Variants in KCNIP1 observed in about 807,000 individuals in gnomAD.
KCNIP1 encodes the protein A-type potassium channel modulatory protein KCNIP1.
KCNIP1 carries 18 observed loss-of-function variants against 33.0 expected under a neutral mutation model. The observed-to-expected ratio is 0.55, with a 90% CI of 0.38 to 0.81. The LOEUF (loss-of-function observed/expected upper bound fraction) is 0.81. Among genes scored for constraint, KCNIP1 ranks in the 30% least tolerant of loss-of-function variants. The probability of loss-of-function intolerance (pLI) is 0.00; values close to 1 mark genes in which losing one functional copy is unlikely to be tolerated. For synonymous variants in KCNIP1, 93 were observed against 98.3 expected (o/e 0.95, Z 0.32); for missense variants, 238 against 271.6 (o/e 0.88, Z 0.87).
chr5:170,556,192 A>G (rs1756840882), intron 1 of KCNIP1, among the ~76,000 whole-genome samples: 1 of 152,244 alleles, frequency 6.6e-6, no homozygotes, highest in Non-Finnish European at 1.5e-5. Flanking sequence ...GTGGTTCATT[A>G]AACCACATCC....
At chr5:170,507,794 T>TA (rs1754775000) in intron 1 of KCNIP1, among the ~76,000 whole-genome samples, 1 of 152,198 alleles carries the variant, frequency 6.6e-6, no homozygotes, top group African/African-American at 2.4e-5. Flanking sequence ...AAATCTAAAG[T>TA]AATTTAAGAG....
At chr5:170,401,502 G>A (rs892492584) in intron 1 of KCNIP1, among the ~76,000 whole-genome samples, 1 of 152,156 alleles carries the variant, frequency 6.6e-6, no homozygotes, top group African/African-American at 2.4e-5. Flanking sequence ...GGTGGCTCAT[G>A]TCTATAATCC....
At chr5:170,654,227 T>G (rs1299575138) in intron 1 of KCNIP1, among the ~76,000 whole-genome samples, 1 of 152,112 alleles carries the variant, frequency 6.6e-6, no homozygotes, top group Non-Finnish European at 1.5e-5. Context: ...CTGTGGAGGA[T>G]CCATGCCATT....
At chr5:170,513,962 G>C (rs1324795902) in intron 1 of KCNIP1, among the ~76,000 whole-genome samples, 1 of 152,204 alleles carries the variant, frequency 6.6e-6, no homozygotes, top group Non-Finnish European at 1.5e-5. Context: ...TCACTTTGCA[G>C]AGTAGGAAAC....
intron 1 of KCNIP1, among the ~76,000 whole-genome samples, chr5:170,689,218 A>T (rs1230367222): frequency 6.6e-6 from 1 of 152,202 alleles, no homozygotes; most frequent in Non-Finnish European, 1.5e-5. Context: ...TCATTTTTAC[A>T]TGAATTGACT....
At chr5:170,457,561 A>G (rs1212229417) in intron 1 of KCNIP1, among the ~76,000 whole-genome samples, 2 of 152,236 alleles carry the variant, frequency 1.3e-5, no homozygotes, top group African/African-American at 2.4e-5. Flanking sequence ...AACCTGGTAG[A>G]CATCCTGGGT....
At chr5:170,562,783 G>A (rs1167781449) in intron 1 of KCNIP1, among the ~76,000 whole-genome samples, 1 of 152,200 alleles carries the variant, frequency 6.6e-6, no homozygotes, top group African/African-American at 2.4e-5. Flanking sequence ...AGAGCCCAGG[G>A]CTCTAAGCTG....
In KCNIP1 at chr5:170,457,650, A is replaced by G. The variant is rs570009570; in HGVS notation, c.88+103686A>G. 3.9e-5 allele frequency among the ~76,000 whole-genome samples: 6 copies of G among 152,314 alleles called. No individual in the cohort carries two copies. The East Asian group carries it at 5.8e-4, about 15-fold the overall frequency. ...ACATCCCTAGGAAAAGGGGGAGAGT[A>G]ATACATCAAGGGAACACCCCATGGG... On this transcript the variant is annotated intron_variant, in intron 1 of 7. Coordinates refer to the KCNIP1 transcript ENST00000377360.
intron 1 of KCNIP1, among the ~76,000 whole-genome samples, chr5:170,464,653 G>A (rs1756572133): frequency 6.6e-6 from 1 of 152,320 alleles, no homozygotes; most frequent in East Asian, 1.9e-4. Flanking sequence ...TCAGAGAGCT[G>A]GGTAACCACA....
intron 1 of KCNIP1, among the ~76,000 whole-genome samples, chr5:170,432,174 A>G (rs1369511824): frequency 6.6e-6 from 1 of 152,040 alleles, no homozygotes; most frequent in Non-Finnish European, 1.5e-5. Flanking sequence ...AGAGCTAAAA[A>G]CAGGGGCTTC....
At chr5:170,418,130 C>T (rs1755381479) in intron 1 of KCNIP1, among the ~76,000 whole-genome samples, 1 of 152,152 alleles carries the variant, frequency 6.6e-6, no homozygotes, top group Admixed American at 6.5e-5. Context: ...GTAATGTTTC[C>T]TTCAAATAAC....
intron 1 of KCNIP1, among the ~76,000 whole-genome samples, chr5:170,676,159 G>T: frequency 9.5e-6 from 1 of 105,260 alleles, no homozygotes; most frequent in Non-Finnish European, 2.0e-5. Context: ...GGGGGAGGTA[G>T]GGAGGGAAAG....
intron 1 of KCNIP1, chr5:170,385,244 C>T (rs200859213): frequency 3.8e-6 from 6 of 1,561,184 alleles, no homozygotes; most frequent in Non-Finnish European, 5.3e-6. Context: ...AGTAGAAGGC[C>T]AGGGTTCCTT....
At chr5:170,555,922 A>AGTTCTCTT (rs1756828095) in intron 1 of KCNIP1, among the ~76,000 whole-genome samples, 1 of 152,200 alleles carries the variant, frequency 6.6e-6, no homozygotes, top group Non-Finnish European at 1.5e-5. Flanking sequence ...GCGAATGCAA[A>AGTTCTCTT]GGAAACACCA....
At chr5:170,643,210 G>T (rs139973143) in intron 1 of KCNIP1, among the ~76,000 whole-genome samples, 38 of 152,366 alleles carry the variant, frequency 2.5e-4, no homozygotes, top group African/African-American at 7.7e-4. Context: ...CGTCCAGGTG[G>T]CTGGAAGCCA....
At chr5:170,659,670 G>A (rs758228085) in intron 1 of KCNIP1, among the ~76,000 whole-genome samples, 1 of 152,186 alleles carries the variant, frequency 6.6e-6, no homozygotes, top group Non-Finnish European at 1.5e-5. Flanking sequence ...AACATGCACA[G>A]CTCAGGGAAT....
At chr5:170,581,278 G>C (rs963410177) in intron 1 of KCNIP1, among the ~76,000 whole-genome samples, 46 of 152,172 alleles carry the variant, frequency 3.0e-4, no homozygotes, top group African/African-American at 1.1e-3. Context: ...CAAGGTCACA[G>C]AGCTAACAAG....
chr5:170,383,375 G>A (rs563973776), intron 1 of KCNIP1: 34 of 595,532 alleles, frequency 5.7e-5, no homozygotes, highest in South Asian at 3.0e-4. Flanking sequence ...TATATACAGC[G>A]TCTCTGACTT....
intron 1 of KCNIP1, among the ~76,000 whole-genome samples, chr5:170,598,041 C>T (rs372460364): frequency 7.2e-5 from 11 of 152,132 alleles, no homozygotes; most frequent in Non-Finnish European, 1.3e-4. Context: ...ACTCCTGCCT[C>T]CCGGTGACTT....
Sources: allele counts gnomAD v4.1 joint callset (sites outside exome capture counted in the v4.1 genomes callset), GRCh38; gene constraint gnomAD v4.1.1; transcripts MANE v1.5; gene names NCBI Gene and HGNC (gene_info 2026-07-23, HGNC 2026-07-21).